IRAG1: variants seen among roughly 807,000 people sequenced by gnomAD.
The protein encoded by IRAG1 is IP3R-associated cGMP kinase substrate.
A neutral mutation model predicts 106.2 loss-of-function variants in IRAG1; 62 were observed. The observed-to-expected ratio is 0.58, with a 90% CI of 0.48 to 0.72. IRAG1 has a LOEUF of 0.72. Ranked by LOEUF, IRAG1 falls within the 30% of genes least tolerant of loss-of-function variation. The probability of loss-of-function intolerance (pLI) is 0.00; values close to 1 mark genes in which losing one functional copy is unlikely to be tolerated. For synonymous variants in IRAG1, 462 were observed against 443.9 expected (o/e 1.04, Z -0.51); for missense variants, 1,064 against 1,140.7 (o/e 0.93, Z 0.97).
chr11:10,670,553 C>T (rs1860135185), intron 1 of IRAG1, among the ~76,000 whole-genome samples: 1 of 152,212 alleles, frequency 6.6e-6, no homozygotes, highest in South Asian at 2.1e-4. Flanking sequence ...GAAATCAGAT[C>T]TCTCAAAGGA....
At chr11:10,648,800 C>T (rs577571386) in intron 2 of IRAG1, among the ~76,000 whole-genome samples, 108 of 152,088 alleles carry the variant, frequency 7.1e-4, no homozygotes, top group African/African-American at 2.5e-3. Context: ...TGTGTATCTG[C>T]GTGTGTGTCT....
chr11:10,592,203 A>G lies in IRAG1; in HGVS notation c.2176-591T>C, dbSNP rs117465890. 5.3e-3 allele frequency among the ~76,000 whole-genome samples: 808 copies of G among 152,330 alleles called. 1 individual carries two copies. The highest frequency in any genetic ancestry group is 8.4e-3 in the Non-Finnish European group (569 of 68,020). ...CACCTGGGGGAGGTTTTAAAAAAGT[A>G]TCGATCCACTCCAGAATCTTGGTGT... On this transcript the variant is annotated intron_variant, in intron 17 of 20. Coordinates refer to ENST00000423302, the MANE Select transcript of IRAG1 (RefSeq NM_130385.4).
chr11:10,577,966 C>T (rs1035685072), intron 20 of IRAG1, among the ~76,000 whole-genome samples: 1 of 152,200 alleles, frequency 6.6e-6, no homozygotes, highest in Non-Finnish European at 1.5e-5. Context: ...TTTGTAGATT[C>T]TCTAGATTCT....
chr11:10,656,307 T>C (rs10840458), intron 1 of IRAG1, among the ~76,000 whole-genome samples: 47,159 of 152,130 alleles, frequency 0.31, 8,613 homozygotes, highest in East Asian at 0.82. Context: ...AATCAGCTTT[T>C]ATGACTCTAC....
chr11:10,620,558 A>C (rs1234102935), intron 10 of IRAG1, among the ~76,000 whole-genome samples: 1 of 152,216 alleles, frequency 6.6e-6, no homozygotes, highest in Non-Finnish European at 1.5e-5. Flanking sequence ...TTTAAGTTTG[A>C]GCTTCCTAGC....
chr11:10,609,032 A>T (rs1854719359), intron 11 of IRAG1, among the ~76,000 whole-genome samples: 1 of 152,208 alleles, frequency 6.6e-6, no homozygotes, highest in Non-Finnish European at 1.5e-5. Flanking sequence ...ACTCTTTTGT[A>T]TGTGGCTATC....
At chr11:10,583,102 G>T (rs778513590) in intron 18 of IRAG1, among the ~76,000 whole-genome samples, 20 of 152,324 alleles carry the variant, frequency 1.3e-4, no homozygotes, top group Non-Finnish European at 2.6e-4. Flanking sequence ...ATGCCTGTGA[G>T]GTATCCAAAG....
chr11:10,601,937 A>C (rs2134324210), intron 14 of IRAG1, among the ~76,000 whole-genome samples: 1 of 152,322 alleles, frequency 6.6e-6, no homozygotes, highest in Non-Finnish European at 1.5e-5. Context: ...GCTGAGGCAC[A>C]AGTTTGGGAA....
chr11:10,596,903 C>T (rs1243770786), intron 15 of IRAG1, among the ~76,000 whole-genome samples: 1 of 152,210 alleles, frequency 6.6e-6, no homozygotes, highest in African/African-American at 2.4e-5. Flanking sequence ...GCTACATGCT[C>T]ATTTACTTCC....
In IRAG1 at chr11:10,659,989, C is replaced by T. The variant is rs189022337; in HGVS notation, c.68-7807G>A. ...TGAGATCCCATAAAGGGCAGGGCAC[C>T]GAGGGGTCTCCAGGAAGACATGGAG... On this transcript the variant is annotated intron_variant, in intron 1 of 20. Coordinates refer to ENST00000423302, the MANE Select transcript of IRAG1 (RefSeq NM_130385.4). This position sits in a 1 kb window ranked among gnomAD's most constrained non-coding sequence, Gnocchi z 4.1. 4.7e-4 allele frequency among the ~76,000 whole-genome samples: 71 copies of T among 152,244 alleles called. No homozygotes were observed. Among genetic ancestry groups the T allele is most frequent in the Non-Finnish European group, 8.4e-4 (57 of 68,018 alleles).
At chr11:10,625,099 T>C (rs181888432) in intron 9 of IRAG1, among the ~76,000 whole-genome samples, 19 of 152,324 alleles carry the variant, frequency 1.2e-4, no homozygotes, top group African/African-American at 4.6e-4. Flanking sequence ...AATAGGATAG[T>C]GGCCAGCATT....
rs1356886482 is a variant in IRAG1, at chr11:10,647,209, T to C, written c.225+4816A>G. Among the ~76,000 whole-genome samples the C allele has an allele frequency of 6.6e-6, 1 of 152,172 alleles. No homozygotes were observed. Among genetic ancestry groups the C allele is most frequent in the Non-Finnish European group, 1.5e-5 (1 of 68,026 alleles). ...GCAGTAACAGTGCTCAGTGCGGGTA[T>C]GGACTAAGCATGGGCTTTGGGGTCA... is the stretch of plus-strand genomic sequence containing the variant. On this transcript the variant is annotated intron_variant, in intron 2 of 20. Coordinates refer to ENST00000423302, the MANE Select transcript of IRAG1 (RefSeq NM_130385.4). The surrounding 1 kb of genome is among the most constrained non-coding windows in gnomAD (Gnocchi z 4.3).
At position 10,594,164 on chromosome 11, in the gene IRAG1, C is replaced by A; in HGVS notation, c.2049G>T (p.Met683Ile). ...EDGVPRTARS[M>I]SLTLGKNMPR... ...TGCATACCTTTCCCAGCGTGAGGGACATGGACCGTGCCGTGCGAGGGACCC... is the reference window on the plus strand; with the variant it reads ...TGCATACCTTTCCCAGCGTGAGGGAAATGGACCGTGCCGTGCGAGGGACCC... The change falls in exon 16 of 21, where the codon ATG becomes ATT. Residue 683 changes from methionine to isoleucine, a missense_variant. Coordinates refer to ENST00000423302, the MANE Select transcript of IRAG1 (RefSeq NM_130385.4). 6.2e-7 allele frequency: 1 copy of A among 1,610,126 alleles called. No homozygotes were observed. The highest frequency in any genetic ancestry group is 8.5e-7 in the Non-Finnish European group (1 of 1,178,414).
intron 14 of IRAG1, among the ~76,000 whole-genome samples, chr11:10,602,820 C>G (rs1006598951): frequency 1.3e-5 from 2 of 152,158 alleles, no homozygotes; most frequent in African/African-American, 4.8e-5. Flanking sequence ...CCAGCCTTCT[C>G]CACCACAGGA....
rs533228380 is a variant in IRAG1, at chr11:10,650,967, A to T, written c.225+1058T>A. 1.4e-4 allele frequency among the ~76,000 whole-genome samples: 21 copies of T among 152,368 alleles called. 1 individual carries two copies. In the South Asian group the frequency reaches 4.4e-3, roughly 32 times the overall value. On this transcript the variant is annotated intron_variant, in intron 2 of 20. Transcript: ENST00000423302. ...AAAACAAATGCCATCATAACATGAAAATACTCACTAAGAATCTGCCCTTTT... is the reference window on the plus strand; with the variant it reads ...AAAACAAATGCCATCATAACATGAATATACTCACTAAGAATCTGCCCTTTT...
chr11:10,584,548 AATATATATATATATATATATATATAT>A (rs56768282), intron 18 of IRAG1, among the ~76,000 whole-genome samples: 35 of 98,580 alleles, frequency 3.6e-4, no homozygotes, highest in Non-Finnish European at 5.8e-4. Context: ...TCTTTCATGA[AATATATATATATATATATATATATAT>A]ATATATATAT....
chr11:10,616,076 C>T (rs890930401), intron 10 of IRAG1, among the ~76,000 whole-genome samples: 6 of 151,166 alleles, frequency 4.0e-5, no homozygotes, highest in Non-Finnish European at 7.4e-5. Flanking sequence ...GAGGCCGAGG[C>T]GGGCGGATCA....
chr11:10,642,893 G>A (rs1227176950), intron 2 of IRAG1, among the ~76,000 whole-genome samples: 2 of 151,520 alleles, frequency 1.3e-5, no homozygotes, highest in Admixed American at 1.3e-4. Flanking sequence ...GGCCGGGCAC[G>A]GTGGCTCACG....
chr11:10,627,952 G>C, intron 7 of IRAG1, 21 bp downstream of exon 7: 1 of 1,596,970 alleles, frequency 6.3e-7, no homozygotes, highest in Non-Finnish European at 8.5e-7. Context: ...AAACAGCACA[G>C]CAGGTGGGGG....
Sources: gnomAD v4.1 joint callset for allele counts (sites outside exome capture counted in the v4.1 genomes callset) on GRCh38, gnomAD v4.1.1 for gene constraint, Gnocchi (gnomAD v3.1) non-coding constraint, MANE v1.5 for transcripts, NCBI Gene and HGNC (gene_info 2026-07-23, HGNC 2026-07-21) for gene names.